The following ZNF804B variants were observed in gnomAD, a reference collection of about 807,000 sequenced individuals.
ZNF804B encodes zinc finger protein 804B.
ZNF804B carries 80 observed loss-of-function variants against 101.4 expected under a neutral mutation model. The ratio of observed to expected loss-of-function variants is 0.79; its 90% CI spans 0.66 to 0.95. The LOEUF (loss-of-function observed/expected upper bound fraction) is 0.95, where lower values mean the gene tolerates loss of function less well. Ranked by LOEUF, ZNF804B falls within the 40% of genes least tolerant of loss-of-function variation. The probability of loss-of-function intolerance (pLI) is 0.00; values close to 1 mark genes in which losing one functional copy is unlikely to be tolerated. For synonymous variants in ZNF804B, 622 were observed against 558.8 expected, an observed-to-expected ratio of 1.11 and a Z score of -1.59; for missense variants, 1,673 against 1,561.9, an observed-to-expected ratio of 1.07 and a Z score of -1.20.
intron 1 of ZNF804B, among the ~76,000 whole-genome samples, chr7:88,939,480 GCTTA>G (rs1793025320): frequency 6.6e-6 from 1 of 151,662 alleles, no homozygotes; most frequent in Admixed American, 6.6e-5. Flanking sequence ...GTTAAATCAA[GCTTA>G]CTTGTCAAAA....
intron 1 of ZNF804B, among the ~76,000 whole-genome samples, chr7:88,924,075 G>A (rs1263928570): frequency 1.3e-5 from 2 of 151,940 alleles, no homozygotes; most frequent in Admixed American, 6.6e-5. Flanking sequence ...ATAGAGTTCC[G>A]AGAATGGAGT....
intron 2 of ZNF804B, among the ~76,000 whole-genome samples, chr7:89,259,733 A>C (rs750732035): frequency 1.4e-4 from 22 of 152,172 alleles, no homozygotes; most frequent in Non-Finnish European, 2.5e-4. Flanking sequence ...ATTGGATCCC[A>C]GCACTTTGGG....
At chr7:89,055,142 G>A (rs189079302) in intron 1 of ZNF804B, among the ~76,000 whole-genome samples, 73 of 152,158 alleles carry the variant, frequency 4.8e-4, no homozygotes, top group Non-Finnish European at 8.5e-4. Flanking sequence ...TTAATTTTGA[G>A]GGATGACTTG....
rs566028735 is a variant in ZNF804B, at chr7:89,026,764, G to C, written c.109-191391G>C. ...TACTAGTAGAGCAAACCCAGGAGAA[G>C]TGAGAAGCCTGTAATAAAAGATAGA... is the stretch of plus-strand genomic sequence containing the variant. On this transcript the variant is annotated intron_variant, in intron 1 of 3. Coordinates refer to ENST00000333190, the MANE Select transcript of ZNF804B (RefSeq NM_181646.5). Among the ~76,000 whole-genome samples, 5 of 152,262 alleles carry C rather than the reference G, an allele frequency of 3.3e-5. No individual in the cohort carries two copies. The South Asian group carries it at 1.0e-3, about 32-fold the overall frequency.
chr7:88,830,371 A>T (rs1010940400), intron 1 of ZNF804B, among the ~76,000 whole-genome samples: 1 of 152,102 alleles, frequency 6.6e-6, no homozygotes, highest in Non-Finnish European at 1.5e-5. Flanking sequence ...CCTGCTACAC[A>T]TATATAGACA....
chr7:89,072,329 G>A (rs578201829), intron 1 of ZNF804B, among the ~76,000 whole-genome samples: 2 of 152,288 alleles, frequency 1.3e-5, no homozygotes, highest in East Asian at 3.9e-4. Context: ...TAGGAATCAA[G>A]ACTAGTTGAA....
intron 2 of ZNF804B, among the ~76,000 whole-genome samples, chr7:89,315,697 A>C (rs545643512): frequency 6.6e-6 from 1 of 152,156 alleles, no homozygotes; most frequent in Admixed American, 6.6e-5. Flanking sequence ...CACTGCTAAA[A>C]AAGTATCTGA....
At chr7:89,035,365 C>G (rs1322320419) in intron 1 of ZNF804B, among the ~76,000 whole-genome samples, 2 of 151,988 alleles carry the variant, frequency 1.3e-5, no homozygotes, top group Non-Finnish European at 2.9e-5. Context: ...AAAATCCTCC[C>G]CAGGGTGTAA....
intron 2 of ZNF804B, among the ~76,000 whole-genome samples, chr7:89,249,546 CA>C (rs1212606403): frequency 6.6e-6 from 1 of 151,794 alleles, no homozygotes; most frequent in Non-Finnish European, 1.5e-5. Context: ...GGGTAAATAA[CA>C]AAACTAAGGC....
At chr7:89,249,830 T>C (rs1789512255) in intron 2 of ZNF804B, among the ~76,000 whole-genome samples, 1 of 152,052 alleles carries the variant, frequency 6.6e-6, no homozygotes, top group Non-Finnish European at 1.5e-5. Flanking sequence ...TCTACCCAAA[T>C]AATTTATGAA....
chr7:89,096,107 A>G (rs1429648355), intron 1 of ZNF804B, among the ~76,000 whole-genome samples: 1 of 151,434 alleles, frequency 6.6e-6, no homozygotes, highest in African/African-American at 2.4e-5. Flanking sequence ...GTGAGTGGAG[A>G]TCACGCCACT....
At chr7:88,845,714 C>T (rs149239743) in intron 1 of ZNF804B, among the ~76,000 whole-genome samples, 2 of 152,126 alleles carry the variant, frequency 1.3e-5, no homozygotes, top group East Asian at 3.9e-4. Context: ...TACAAGTCAC[C>T]TCATCTCTAA....
chr7:89,329,536 T>G (rs535258592), intron 3 of ZNF804B, among the ~76,000 whole-genome samples: 8 of 151,606 alleles, frequency 5.3e-5, no homozygotes, highest in Non-Finnish European at 1.0e-4. Flanking sequence ...TGTGACCCTT[T>G]GGGAGAAGAG....
At chr7:89,010,173 T>C (rs1023409085) in intron 1 of ZNF804B, among the ~76,000 whole-genome samples, 19 of 152,294 alleles carry the variant, frequency 1.2e-4, no homozygotes, top group African/African-American at 4.1e-4. Flanking sequence ...TAATAATACA[T>C]TGCGAAGCCT....
chr7:89,259,873 G>A (rs1407796598), intron 2 of ZNF804B, among the ~76,000 whole-genome samples: 1 of 152,028 alleles, frequency 6.6e-6, no homozygotes, highest in Non-Finnish European at 1.5e-5. Flanking sequence ...CCAGCTACTC[G>A]GGAGCCTGAG....
chr7:89,041,242 G>T (rs957095374), intron 1 of ZNF804B, among the ~76,000 whole-genome samples: 1 of 152,168 alleles, frequency 6.6e-6, no homozygotes, highest in African/African-American at 2.4e-5. Flanking sequence ...ATCTGTTCCT[G>T]AGTCTGTGGG....
chr7:89,196,073 CAA>C (rs920638536), intron 1 of ZNF804B, among the ~76,000 whole-genome samples: 4 of 151,768 alleles, frequency 2.6e-5, no homozygotes, highest in African/African-American at 9.7e-5. Context: ...CATATGGAAC[CAA>C]AAAAAGAGCC....
chr7:89,254,642 ATTT>A (rs1359759242), intron 2 of ZNF804B, among the ~76,000 whole-genome samples: 3 of 145,164 alleles, frequency 2.1e-5, no homozygotes, highest in African/African-American at 7.7e-5. Flanking sequence ...TTTTATTTTT[ATTT>A]TTATTATTTT....
chr7:89,077,883 C>G (rs568590130), intron 1 of ZNF804B, among the ~76,000 whole-genome samples: 2 of 151,994 alleles, frequency 1.3e-5, no homozygotes, highest in South Asian at 4.2e-4. Context: ...CCAGAAAAAC[C>G]GCAAGGGTTT....
Sources: gnomAD v4.1 joint callset for allele counts (sites outside exome capture counted in the v4.1 genomes callset) on GRCh38, gnomAD v4.1.1 for gene constraint, MANE v1.5 for transcripts, NCBI Gene and HGNC (gene_info 2026-07-23, HGNC 2026-07-21) for gene names.